ZNF420: variants seen among roughly 807,000 people sequenced by gnomAD.
ZNF420 encodes the protein zinc finger protein 420.
A neutral mutation model predicts 44.7 loss-of-function variants in ZNF420; 31 were observed. The ratio of observed to expected loss-of-function variants is 0.69; its 90% CI spans 0.52 to 0.94. The LOEUF (loss-of-function observed/expected upper bound fraction) is 0.94. Among genes scored for constraint, ZNF420 ranks in the 40% least tolerant of loss-of-function variants. The pLI is 0.00. For missense variants in ZNF420, 681 were observed against 827.9 expected, an observed-to-expected ratio of 0.82 and a Z score of 2.18; for synonymous variants, 245 against 267.4, an observed-to-expected ratio of 0.92 and a Z score of 0.82.
chr19:37,107,212 T>A (rs1226689389), intron 4 of ZNF420: 1 of 151,952 alleles, frequency 6.6e-6, no homozygotes, highest in Non-Finnish European at 1.5e-5. Flanking sequence ...GACAGTCAGG[T>A]CTTACCCTTC....
At chr19:37,068,722 G>A (rs1236950438) in intron 1 of ZNF420, among the ~76,000 whole-genome samples, 1 of 152,086 alleles carries the variant, frequency 6.6e-6, no homozygotes, top group Non-Finnish European at 1.5e-5. Flanking sequence ...ACTAAAATCT[G>A]TTTTCAAGAA....
rs1968989909 is a variant in ZNF420, at chr19:37,089,110, C to T, written c.-9C>T. 1 of 1,613,276 alleles carries T rather than the reference C, an allele frequency of 6.2e-7. No individual in the cohort carries two copies. Among genetic ancestry groups the T allele is most frequent in the Non-Finnish European group, 8.5e-7 (1 of 1,179,246 alleles). Reference sequence around the variant, plus strand: ...AGAGGACTGATCATTTCTTGCAGCTCTAAAAACCATGGCTCGGGTAAATTG... The same window carrying T: ...AGAGGACTGATCATTTCTTGCAGCTTTAAAAACCATGGCTCGGGTAAATTG... On this transcript the variant is annotated 5_prime_UTR_variant, in exon 3 of 5. Transcript: ENST00000337995.
chr19:37,085,388 T>A (rs1968697386), intron 2 of ZNF420, among the ~76,000 whole-genome samples: 1 of 152,198 alleles, frequency 6.6e-6, no homozygotes. Flanking sequence ...CATACGCAGT[T>A]GTTAATGAAG....
intron 1 of ZNF420, among the ~76,000 whole-genome samples, chr19:37,070,580 A>C (rs904946002): frequency 6.6e-6 from 1 of 152,242 alleles, no homozygotes. Flanking sequence ...GACAACCCAA[A>C]GAAATTGAGC....
intron 1 of ZNF420, among the ~76,000 whole-genome samples, chr19:37,027,240 G>A (rs944246345): frequency 9.2e-5 from 14 of 152,148 alleles, no homozygotes; most frequent in South Asian, 4.1e-4. Context: ...GTGACAGAAC[G>A]AGACCCTTTC....
At chr19:37,031,108 G>A (rs112325779) in intron 1 of ZNF420, among the ~76,000 whole-genome samples, 2,003 of 152,166 alleles carry the variant, frequency 0.013, 47 homozygotes, top group African/African-American at 0.045. Flanking sequence ...ACCCACCTTG[G>A]CCTCCCAAAG....
intron 1 of ZNF420, among the ~76,000 whole-genome samples, chr19:37,052,145 T>C (rs1250122504): frequency 2.0e-5 from 3 of 152,166 alleles, no homozygotes; most frequent in East Asian, 1.9e-4. Flanking sequence ...TTGATCTTTG[T>C]TGGTTTAAAG....
upstream of ZNF420, among the ~76,000 whole-genome samples, chr19:37,076,368 ATTTT>A: frequency 6.9e-6 from 1 of 145,850 alleles, no homozygotes; most frequent in East Asian, 1.9e-4. Flanking sequence ...ATTCTTTTTT[ATTTT>A]TATTTTTATT....
At chr19:37,117,208 A>G (rs796507656) in intron 4 of ZNF420, among the ~76,000 whole-genome samples, 1 of 152,212 alleles carries the variant, frequency 6.6e-6, no homozygotes, top group African/African-American at 2.4e-5. Flanking sequence ...ACCCCCCAGT[A>G]GGGGCAGACT....
chr19:37,127,294 A>G lies in ZNF420; in HGVS notation c.303A>G (p.Glu101=), dbSNP rs1414430478. ...EAKGKMEKQQ[E]NQKEYFRQGM... ...AAGGCAAGATGGAGAAGCAACAAGA[A>G]AATCAGAAGGAATATTTCAGGCAAG... The change falls in exon 5 of 5, where the codon GAA becomes GAG. Residue 101 remains glutamate (E), a synonymous_variant. Transcript: ENST00000337995. 1 of 1,613,556 alleles carries G rather than the reference A, an allele frequency of 6.2e-7. No individual in the cohort carries two copies. The highest frequency in any genetic ancestry group is 8.5e-7 in the Non-Finnish European group (1 of 1,179,728).
At chr19:37,120,980 C>T (rs1970996087) in intron 4 of ZNF420, among the ~76,000 whole-genome samples, 1 of 151,960 alleles carries the variant, frequency 6.6e-6, no homozygotes, top group African/African-American at 2.4e-5. Context: ...AAAGAGGATA[C>T]AAACAAATGG....
intron 1 of ZNF420, among the ~76,000 whole-genome samples, chr19:37,028,502 T>G (rs1366429540): frequency 6.6e-6 from 1 of 152,094 alleles, no homozygotes; most frequent in Non-Finnish European, 1.5e-5. Flanking sequence ...CTGTCAGAGA[T>G]GTTGAGAGTC....
In ZNF420 at chr19:37,068,907, A is replaced by C. The variant is rs1261574109; in HGVS notation, c.-124-11438A>C. On this transcript the variant is annotated intron_variant, in intron 1 of 4. Coordinates refer to the ZNF420 transcript ENST00000587029. ...TGATGAAATGTTCAATTTTCCATGA[A>C]GATATAAAAATTGCAAGCTTAAGTT... 7.2e-5 allele frequency among the ~76,000 whole-genome samples: 11 copies of C among 152,168 alleles called. 1 individual carries two copies. Among genetic ancestry groups the C allele is most frequent in the Admixed American group, 7.2e-4 (11 of 15,266 alleles).
At chr19:37,115,482 A>G (rs1176847895) in intron 4 of ZNF420, among the ~76,000 whole-genome samples, 17 of 151,962 alleles carry the variant, frequency 1.1e-4, no homozygotes, top group Admixed American at 1.1e-3. Flanking sequence ...TCTTTGTGTC[A>G]TAAATAAGTT....
intron 4 of ZNF420, among the ~76,000 whole-genome samples, chr19:37,113,010 C>T (rs1235848053): frequency 2.6e-5 from 4 of 152,102 alleles, no homozygotes; most frequent in African/African-American, 9.7e-5. Context: ...TGGTAACTGG[C>T]CCATTCCCTG....
chr19:37,040,423 C>T lies in ZNF420; in HGVS notation c.-125+32341C>T, dbSNP rs943918496. 2.0e-5 allele frequency among the ~76,000 whole-genome samples: 3 copies of T among 152,268 alleles called. No individual in the cohort carries two copies. The South Asian group carries it at 6.2e-4, about 32-fold the overall frequency. On this transcript the variant is annotated intron_variant, in intron 1 of 4. Transcript: ENST00000587029. ...TGGTCTTCTATCCAGACCACTTAAA[C>T]TTTCTCCATACCAGCAATAAGGCTT...
Position 37,057,582 on chromosome 19 carries a change from C to T in ZNF420, c.-124-22763C>T, listed in dbSNP as rs369163598. Reference sequence around the variant, plus strand: ...CTGTGCGCCAAAAAGCGATTTCTTGCATGTCAACCTGTTTTTGGTGAGCCT... The same window carrying T: ...CTGTGCGCCAAAAAGCGATTTCTTGTATGTCAACCTGTTTTTGGTGAGCCT... On this transcript the variant is annotated intron_variant, in intron 1 of 4. Coordinates refer to the ZNF420 transcript ENST00000587029. Among the ~76,000 whole-genome samples the T allele has an allele frequency of 7.9e-5, 12 of 152,218 alleles. No individual in the cohort carries two copies. The East Asian group carries it at 1.4e-3, about 17-fold the overall frequency.
upstream of ZNF420, among the ~76,000 whole-genome samples, chr19:37,077,059 T>C (rs1324938921): frequency 1.3e-5 from 2 of 152,190 alleles, no homozygotes; most frequent in Non-Finnish European, 2.9e-5. Context: ...TTTTTTTCCC[T>C]CTGAAGGAGT....
chr19:37,024,331 G>A (rs1305962238), intron 1 of ZNF420, among the ~76,000 whole-genome samples: 1 of 152,082 alleles, frequency 6.6e-6, no homozygotes, highest in Non-Finnish European at 1.5e-5. Context: ...CTTTGGTTGG[G>A]CACATGTTGT....
Sources: allele counts gnomAD v4.1 joint callset (sites outside exome capture counted in the v4.1 genomes callset), GRCh38; gene constraint gnomAD v4.1.1; transcripts MANE v1.5; gene names NCBI Gene and HGNC (gene_info 2026-07-23, HGNC 2026-07-21).